FREM1: variants seen among roughly 807,000 people sequenced by gnomAD.
FREM1 encodes FRAS1 related extracellular matrix 1.
Under a neutral mutation model 210.1 loss-of-function variants are expected in FREM1, and 220 were observed. The ratio of observed to expected loss-of-function variants is 1.05; its 90% CI spans 0.94 to 1.17. The LOEUF (loss-of-function observed/expected upper bound fraction) is 1.17, where lower values mean the gene tolerates loss of function less well. FREM1 is among the 50% of genes most tolerant of loss of function. The pLI, the probability that FREM1 is intolerant of heterozygous loss-of-function variation, is 0.00. For missense variants in FREM1, 3,454 were observed against 2,675.5 expected (o/e 1.29, Z -6.42); for synonymous variants, 1,189 against 980.2 (o/e 1.21, Z -3.98).
chr9:14,882,421 T>C (rs1436133051), intron 1 of FREM1, among the ~76,000 whole-genome samples: 1 of 151,858 alleles, frequency 6.6e-6, no homozygotes, highest in Admixed American at 6.6e-5. Flanking sequence ...TTTGAATATC[T>C]GGATTCTAAT....
In FREM1 at chr9:14,859,216, C is replaced by T. The variant is rs1829347610; in HGVS notation, c.598G>A (p.Gly200Arg). The T allele has an allele frequency of 6.2e-7, 1 of 1,603,080 alleles. No homozygotes were observed. The highest frequency in any genetic ancestry group is 8.5e-7 in the Non-Finnish European group (1 of 1,173,786). Residue 200 changes from glycine to arginine, a missense_variant, in exon 4 of 37, where the codon GGA (glycine) becomes AGA (arginine). Coordinates refer to ENST00000380880, the MANE Select transcript of FREM1 (RefSeq NM_001379081.2). The part of the protein sequence containing the change: ...LGEPRPEEPR[G>R]DQPHSFFPES... ...GGGAAAAAACTGTGTGGCTGATCTC[C>T]ACGAGGTTCTTCTGGTCGAGGCTCC...
intron 1 of FREM1, among the ~76,000 whole-genome samples, chr9:14,869,538 A>G (rs1832200772): frequency 1.3e-5 from 2 of 152,236 alleles, no homozygotes; most frequent in Non-Finnish European, 2.9e-5. Context: ...CTTATTGCCA[A>G]CAAGTGTGGC....
chr9:14,895,746 G>A (rs1837600977), intron 1 of FREM1, among the ~76,000 whole-genome samples: 1 of 151,774 alleles, frequency 6.6e-6, no homozygotes, highest in African/African-American at 2.4e-5. Context: ...CCAGAGTTAT[G>A]AGTGGCCCTT....
chr9:14,809,978 G>A (rs1315397753), intron 16 of FREM1, among the ~76,000 whole-genome samples: 1 of 152,100 alleles, frequency 6.6e-6, no homozygotes, highest in Admixed American at 6.6e-5. Flanking sequence ...GCAATTTTAT[G>A]TATTCCGGCC....
At position 14,797,580 on chromosome 9, in the gene FREM1, A is replaced by T; in HGVS notation, c.3757T>A (p.Leu1253Met). Residue 1253 changes from leucine to methionine, a missense_variant, in exon 21 of 37, where the codon TTG (leucine) becomes ATG (methionine). Transcript: ENST00000380880. ...AGTATCTTATGTTTCCCATCTGACA[A>T]TTGGATTGTAAAATCATCAGCAAGG... ...ESLADDFTIQ[L>M]SDGKHKILKT... is the part of the protein sequence containing the mutation. The T allele has an allele frequency of 6.2e-7, 1 of 1,612,398 alleles. No individual in the cohort carries two copies.
intron 29 of FREM1, 40 bp from the exon 30 acceptor site, chr9:14,750,316 T>C: frequency 6.6e-7 from 1 of 1,507,010 alleles, no homozygotes; most frequent in Middle Eastern, 1.7e-4. Context: ...TTAATTGCTA[T>C]TTCAATCACC....
chr9:14,786,702 C>T (rs76904131), intron 23 of FREM1, among the ~76,000 whole-genome samples: 5,018 of 152,302 alleles, frequency 0.033, 287 homozygotes, highest in African/African-American at 0.11. Context: ...TTGGAAAACG[C>T]TATTTCAGAT....
At chr9:14,903,794 C>A (rs1817146127) in intron 1 of FREM1, among the ~76,000 whole-genome samples, 1 of 152,024 alleles carries the variant, frequency 6.6e-6, no homozygotes, top group Non-Finnish European at 1.5e-5. Flanking sequence ...AACACCAACA[C>A]ACATTGATAT....
intron 10 of FREM1, among the ~76,000 whole-genome samples, chr9:14,838,489 G>GTA (rs1554691866): frequency 2.7e-5 from 4 of 150,000 alleles, no homozygotes; most frequent in Non-Finnish European, 5.9e-5. Flanking sequence ...ATGCTTGCCA[G>GTA]CACACACACA....
chr9:14,834,149 G>A (rs930830073), intron 10 of FREM1, among the ~76,000 whole-genome samples: 3 of 152,182 alleles, frequency 2.0e-5, no homozygotes, highest in Non-Finnish European at 2.9e-5. Context: ...GCTAATAGTA[G>A]TTATAAATCA....
chr9:14,863,717 C>A (rs1219371096), intron 3 of FREM1, 92 bp downstream of exon 3: 4 of 728,786 alleles, frequency 5.5e-6, no homozygotes, highest in Non-Finnish European at 9.7e-6. Context: ...TATTAACTCC[C>A]CTCATGACAA....
chr9:14,816,747 C>T (rs755001521), intron 15 of FREM1, 31 bp downstream of exon 15: 1 of 1,227,240 alleles, frequency 8.1e-7, no homozygotes, highest in Admixed American at 2.5e-5. Context: ...CAGACTAAGA[C>T]AATAACCCAG....
chr9:14,808,233 G>T, intron 16 of FREM1, 99 bp from the exon 17 acceptor site: 1 of 685,790 alleles, frequency 1.5e-6, no homozygotes, highest in Non-Finnish European at 2.3e-6. Flanking sequence ...GAAACAGCAA[G>T]GAAAAGAAGT....
At chr9:14,848,627 C>A (rs1461021811) in intron 7 of FREM1, 38 bp downstream of exon 7, 1 of 1,223,016 alleles carries the variant, frequency 8.2e-7, no homozygotes, top group African/African-American at 1.5e-5. Context: ...GTATTCCCTT[C>A]AGGGCTATGT....
intron 1 of FREM1, among the ~76,000 whole-genome samples, chr9:14,902,329 C>T (rs887996940): frequency 6.6e-6 from 1 of 152,126 alleles, no homozygotes; most frequent in East Asian, 1.9e-4. Context: ...TCTCCATTAT[C>T]TCACATGGTT....
rs1272042174 is a variant in FREM1 at position 14,776,137 on chromosome 9, G to C, written c.4509C>G (p.Asp1503Glu). ...GVFEITLETV[D>E]RALPVVTRNK... is the part of the protein sequence containing the mutation. ...TCCTGGTTACCACAGGCAGGGCTCT[G>C]TCCACAGTCTCCAGTGTGATCTCAA... The change falls in exon 25 of 37, where the codon GAC (aspartate) becomes GAG (glutamate). Residue 1503 changes from aspartate (D) to glutamate (E), a missense_variant. Asp to Glu is a conservative substitution (Grantham distance 45). Transcript: ENST00000380880. The C allele has an allele frequency of 1.3e-6, 2 of 1,581,104 alleles. No homozygotes were observed. The highest frequency in any genetic ancestry group is 2.4e-5 in the South Asian group (2 of 84,684).
At chr9:14,880,863 T>C (rs1329401916) in intron 1 of FREM1, among the ~76,000 whole-genome samples, 2 of 152,210 alleles carry the variant, frequency 1.3e-5, no homozygotes, top group African/African-American at 4.8e-5. Context: ...TGTAATTATG[T>C]TGCTTAACCG....
intron 21 of FREM1, among the ~76,000 whole-genome samples, chr9:14,793,599 G>C (rs546140248): frequency 6.6e-6 from 1 of 152,114 alleles, no homozygotes; most frequent in Non-Finnish European, 1.5e-5. Flanking sequence ...CATTGTCCCT[G>C]GTCTCGCCAA....
At chr9:14,753,135 C>A (rs1457488640) in intron 29 of FREM1, among the ~76,000 whole-genome samples, 1 of 152,180 alleles carries the variant, frequency 6.6e-6, no homozygotes, top group Non-Finnish European at 1.5e-5. Context: ...GATATACAAG[C>A]ATTTTCAGAA....
Sources: allele counts gnomAD v4.1 joint callset (sites outside exome capture counted in the v4.1 genomes callset), GRCh38; gene constraint gnomAD v4.1.1; transcripts MANE v1.5; gene names NCBI Gene and HGNC (gene_info 2026-07-23, HGNC 2026-07-21).